FHIT: variants seen among roughly 807,000 people sequenced by gnomAD.
The protein encoded by FHIT is bis(5'-adenosyl)-triphosphatase.
FHIT carries 19 observed loss-of-function variants against 17.9 expected under a neutral mutation model. The ratio of observed to expected loss-of-function variants is 1.06; its 90% CI spans 0.74 to 1.56. The LOEUF (loss-of-function observed/expected upper bound fraction) is 1.56. Ranked by LOEUF, FHIT falls within the 40% of genes most tolerant of loss-of-function variation. The probability of loss-of-function intolerance (pLI) is 0.00; values close to 1 mark genes in which losing one functional copy is unlikely to be tolerated. For synonymous variants in FHIT, 81 were observed against 69.7 expected (o/e 1.16, Z -0.81); for missense variants, 248 against 189.2 (o/e 1.31, Z -1.82).
At chr3:60,032,046 A>G (rs990389300) in intron 5 of FHIT, among the ~76,000 whole-genome samples, 13 of 152,164 alleles carry the variant, frequency 8.5e-5, no homozygotes, top group African/African-American at 3.1e-4. Context: ...TACAATTACT[A>G]TCACACAATT....
At chr3:59,943,587 C>T (rs377176324) in intron 7 of FHIT, among the ~76,000 whole-genome samples, 12 of 152,216 alleles carry the variant, frequency 7.9e-5, no homozygotes, top group Admixed American at 2.6e-4. Flanking sequence ...CTACCTTACT[C>T]CTGTCTGTAA....
intron 5 of FHIT, among the ~76,000 whole-genome samples, chr3:60,215,952 GATAA>G (rs1466920427): frequency 6.6e-6 from 1 of 152,116 alleles, no homozygotes; most frequent in East Asian, 1.9e-4. Context: ...CAGTTACCAT[GATAA>G]ATAAAGACAT....
At chr3:60,029,533 T>C (rs1489933074) in intron 5 of FHIT, among the ~76,000 whole-genome samples, 7 of 152,200 alleles carry the variant, frequency 4.6e-5, no homozygotes, top group South Asian at 2.1e-4. Flanking sequence ...CGTCGTCATA[T>C]GCTCCTGAAT....
At chr3:60,471,962 A>T (rs1426942715) in intron 5 of FHIT, among the ~76,000 whole-genome samples, 1 of 152,210 alleles carries the variant, frequency 6.6e-6, no homozygotes, top group African/African-American at 2.4e-5. Context: ...ATAACTTATT[A>T]ACCTAATTGC....
chr3:60,968,059 T>G (rs1709834598), intron 3 of FHIT, among the ~76,000 whole-genome samples: 1 of 152,232 alleles, frequency 6.6e-6, no homozygotes, highest in Non-Finnish European at 1.5e-5. Context: ...AAACAATTTT[T>G]AAAGGAAAGT....
intron 5 of FHIT, among the ~76,000 whole-genome samples, chr3:60,285,112 C>T (rs191132257): frequency 1.3e-3 from 203 of 152,148 alleles, no homozygotes; most frequent in African/African-American, 4.6e-3. Flanking sequence ...TCTAGAAGTA[C>T]CCAGGTCCTC....
intron 5 of FHIT, among the ~76,000 whole-genome samples, chr3:60,128,880 T>A (rs1271737968): frequency 1.3e-5 from 2 of 152,126 alleles, no homozygotes; most frequent in African/African-American, 4.8e-5. Flanking sequence ...CCTAACACAG[T>A]TCTTTGCACA....
chr3:59,783,202 G>T (rs60129549), intron 8 of FHIT, among the ~76,000 whole-genome samples: 6,245 of 152,240 alleles, frequency 0.041, 190 homozygotes, highest in South Asian at 0.076. Context: ...TGGGCACAGT[G>T]GCTCATGCCT....
intron 2 of FHIT, among the ~76,000 whole-genome samples, chr3:61,116,886 C>T (rs1289986240): frequency 6.6e-6 from 1 of 152,134 alleles, no homozygotes; most frequent in South Asian, 2.1e-4. Context: ...CTTCCCCAAA[C>T]ATAATTTTAT....
chr3:59,862,563 G>T (rs952527586), intron 8 of FHIT, among the ~76,000 whole-genome samples: 1 of 152,204 alleles, frequency 6.6e-6, no homozygotes, highest in Admixed American at 6.5e-5. Context: ...CAGACACAGA[G>T]AATGTTTCAC....
chr3:60,418,956 G>T (rs1702369953), intron 5 of FHIT, among the ~76,000 whole-genome samples: 1 of 152,102 alleles, frequency 6.6e-6, no homozygotes, highest in Non-Finnish European at 1.5e-5. Flanking sequence ...GAATTACAAG[G>T]TCTTACAAGC....
At position 60,942,699 on chromosome 3, in the gene FHIT, T is replaced by C. The variant is rs75310134; in HGVS notation, c.-111+99348A>G. 3.2e-3 allele frequency among the ~76,000 whole-genome samples: 486 copies of C among 152,282 alleles called. 12 individuals carry two copies. In the East Asian group the frequency reaches 0.048, roughly 15 times the overall value. On this transcript the variant is annotated intron_variant, in intron 3 of 9. Transcript: ENST00000492590. The stretch of plus-strand genomic sequence containing the variant: ...TACTGTTTCTTTGTATTCTATTTCA[T>C]TTTTGGTAATATTTTTGTATTATTC...
intron 5 of FHIT, among the ~76,000 whole-genome samples, chr3:60,399,868 G>C (rs1215976096): frequency 1.3e-5 from 2 of 152,160 alleles, no homozygotes; most frequent in East Asian, 1.9e-4. Context: ...TAGGCTAGCT[G>C]TCCATAGTGC....
At chr3:60,199,076 C>G (rs551398630) in intron 5 of FHIT, among the ~76,000 whole-genome samples, 1 of 152,102 alleles carries the variant, frequency 6.6e-6, no homozygotes, top group Non-Finnish European at 1.5e-5. Context: ...AGGCTTGGTG[C>G]TTCATTATTT....
At chr3:60,359,427 T>TGTG (rs1273404081) in intron 5 of FHIT, among the ~76,000 whole-genome samples, 2 of 151,784 alleles carry the variant, frequency 1.3e-5, no homozygotes, top group Non-Finnish European at 2.9e-5. Flanking sequence ...ATTACAGGTG[T>TGTG]GTGCCACCAT....
chr3:59,951,494 G>C (rs957801934), intron 7 of FHIT, among the ~76,000 whole-genome samples: 1 of 152,136 alleles, frequency 6.6e-6, no homozygotes. Flanking sequence ...CCCAGACAAG[G>C]AACTCTGAAG....
intron 2 of FHIT, among the ~76,000 whole-genome samples, chr3:61,095,847 TTCTGGGTAA>T (rs1488992845): frequency 1.3e-5 from 2 of 152,310 alleles, no homozygotes; most frequent in African/African-American, 4.8e-5. Flanking sequence ...CCCTCTAGAA[TTCTGGGTAA>T]CAGATTTGCT....
At chr3:60,484,984 T>C (rs1387009882) in intron 5 of FHIT, among the ~76,000 whole-genome samples, 1 of 151,948 alleles carries the variant, frequency 6.6e-6, no homozygotes, top group East Asian at 1.9e-4. Flanking sequence ...CATCAAAAAG[T>C]GGGCAAAGGA....
At chr3:59,802,375 C>A (rs1241563802) in intron 8 of FHIT, among the ~76,000 whole-genome samples, 1 of 152,202 alleles carries the variant, frequency 6.6e-6, no homozygotes, top group Non-Finnish European at 1.5e-5. Flanking sequence ...CCAAGCTAAT[C>A]CATCATATCC....
Sources: gnomAD v4.1 joint callset for allele counts (sites outside exome capture counted in the v4.1 genomes callset) on GRCh38, gnomAD v4.1.1 for gene constraint, MANE v1.5 for transcripts, NCBI Gene and HGNC (gene_info 2026-07-23, HGNC 2026-07-21) for gene names.